Variants in CTXND1 observed in about 807,000 individuals in gnomAD.
CTXND1 encodes the protein cortexin domain-containing 1 protein.
intron 1 of CTXND1, among the ~76,000 whole-genome samples, chr15:80,232,940 C>CTTTT (rs1567133478): frequency 3.1e-5 from 4 of 128,816 alleles, no homozygotes; most frequent in Admixed American, 7.9e-5. Context: ...AATGCAACTT[C>CTTTT]CTTTTTTTTT....
chr15:80,228,458 A>G (rs539081188), intron 1 of CTXND1, among the ~76,000 whole-genome samples: 8 of 152,280 alleles, frequency 5.3e-5, no homozygotes, highest in African/African-American at 1.9e-4. Flanking sequence ...GAAAGTTGAC[A>G]TTCTCTTTCA....
chr15:80,213,045 G>GTT (rs35402883), intron 1 of CTXND1, among the ~76,000 whole-genome samples: 4 of 151,898 alleles, frequency 2.6e-5, no homozygotes, highest in Non-Finnish European at 4.4e-5. Flanking sequence ...TCTTCCTTCT[G>GTT]TTTTTTTCTC....
At chr15:80,236,137 C>T (rs1474182149) in intron 1 of CTXND1, among the ~76,000 whole-genome samples, 1 of 151,366 alleles carries the variant, frequency 6.6e-6, no homozygotes, top group African/African-American at 2.4e-5. Flanking sequence ...TCATGGTCCT[C>T]TCTGGGATAT....
intron 1 of CTXND1, among the ~76,000 whole-genome samples, chr15:80,217,743 C>T (rs916897362): frequency 6.6e-6 from 1 of 152,002 alleles, no homozygotes; most frequent in Non-Finnish European, 1.5e-5. Context: ...GTCAAGGTTT[C>T]ACCATGTTGC....
Position 80,229,177 on chromosome 15 carries a change from C to T in CTXND1, c.-218+22830G>A, listed in dbSNP as rs188811009. 2.0e-3 allele frequency among the ~76,000 whole-genome samples: 303 copies of T among 152,254 alleles called. 3 individuals are homozygous for T. Among genetic ancestry groups the T allele is most frequent in the African/African-American group, 6.1e-3 (252 of 41,546 alleles). On this transcript the variant is annotated intron_variant, in intron 1 of 2. Coordinates refer to ENST00000560778, the MANE Select transcript of CTXND1 (RefSeq NM_001352888.2). ...TCCTGCCACCTGATATCCCCACTCA[C>T]CTGGCTCCTGTTTCTTTCCCACAAC...
intron 1 of CTXND1, among the ~76,000 whole-genome samples, chr15:80,223,222 A>C (rs2142131182): frequency 6.6e-6 from 1 of 152,212 alleles, no homozygotes; most frequent in South Asian, 2.1e-4. Context: ...TGTCCGGCTA[A>C]TTTTGTATTT....
At chr15:80,217,824 G>T (rs1340545306) in intron 1 of CTXND1, among the ~76,000 whole-genome samples, 5 of 152,150 alleles carry the variant, frequency 3.3e-5, no homozygotes, top group Non-Finnish European at 5.9e-5. Context: ...TGGGATTACA[G>T]GTGTAGGCCA....
chr15:80,220,640 A>G (rs184593488), intron 1 of CTXND1, among the ~76,000 whole-genome samples: 37 of 152,232 alleles, frequency 2.4e-4, no homozygotes, highest in African/African-American at 8.9e-4. Context: ...ATGAATTATC[A>G]TCTTTATGAT....
At chr15:80,219,848 T>G (rs1893292920) in intron 1 of CTXND1, among the ~76,000 whole-genome samples, 1 of 152,218 alleles carries the variant, frequency 6.6e-6, no homozygotes, top group Non-Finnish European at 1.5e-5. Flanking sequence ...ATGTTAATTT[T>G]CTCTTTCTCG....
intron 1 of CTXND1, among the ~76,000 whole-genome samples, chr15:80,235,159 G>A (rs908445100): frequency 3.9e-5 from 6 of 152,172 alleles, no homozygotes; most frequent in African/African-American, 1.4e-4. Context: ...GAGTCACAAG[G>A]CAGCCCTCCC....
At chr15:80,238,008 CAAA>C (rs57718635) in intron 1 of CTXND1, among the ~76,000 whole-genome samples, 1 of 77,106 alleles carries the variant, frequency 1.3e-5, no homozygotes, top group Non-Finnish European at 2.4e-5. Flanking sequence ...GACTCCATCT[CAAA>C]AAAAAAAAAA....
chr15:80,242,265 C>G (rs557662455), intron 1 of CTXND1, among the ~76,000 whole-genome samples: 5 of 152,212 alleles, frequency 3.3e-5, no homozygotes, highest in Non-Finnish European at 7.3e-5. Context: ...CCACTCTGTG[C>G]TTTCAGGACT....
chr15:80,204,211 TAC>T (rs1567127681), intron 1 of CTXND1, among the ~76,000 whole-genome samples: 1 of 89,228 alleles, frequency 1.1e-5, no homozygotes, highest in African/African-American at 4.5e-5. Context: ...CACAAACACA[TAC>T]ACACATGCAC....
At chr15:80,226,710 A>T (rs941197373) in intron 1 of CTXND1, among the ~76,000 whole-genome samples, 2 of 152,190 alleles carry the variant, frequency 1.3e-5, no homozygotes, top group African/African-American at 4.8e-5. Flanking sequence ...TCCTCCCCTG[A>T]CAAGGATCAA....
chr15:80,223,456 C>A (rs192882516), intron 1 of CTXND1, among the ~76,000 whole-genome samples: 150 of 152,340 alleles, frequency 9.8e-4, no homozygotes, highest in Admixed American at 2.2e-3. Context: ...ATTCACTCTA[C>A]AACTAGTGGA....
intron 2 of CTXND1, among the ~76,000 whole-genome samples, chr15:80,203,119 A>G (rs1256299586): frequency 6.6e-6 from 1 of 152,162 alleles, no homozygotes; most frequent in Non-Finnish European, 1.5e-5. Flanking sequence ...GCTGGCTAGG[A>G]GCGAGCAGGC....
At chr15:80,204,922 C>T (rs1303041964) in intron 1 of CTXND1, among the ~76,000 whole-genome samples, 1 of 152,100 alleles carries the variant, frequency 6.6e-6, no homozygotes, top group African/African-American at 2.4e-5. Flanking sequence ...ACTCAAAAAG[C>T]ACAAAAAGAA....
rs138383718 is a variant in CTXND1, at chr15:80,239,322, T to C, written c.-218+12685A>G. On this transcript the variant is annotated intron_variant, in intron 1 of 2. Coordinates refer to ENST00000560778, the MANE Select transcript of CTXND1 (RefSeq NM_001352888.2). ...CTGCATTAATTACTGTGATGGTTAA[T>C]ACTGAGTGTCAACTTGATTGGATTA... 2.6e-5 allele frequency among the ~76,000 whole-genome samples: 4 copies of C among 152,342 alleles called. No homozygotes were observed. In the East Asian group the frequency reaches 7.7e-4, roughly 29 times the overall value.
At chr15:80,226,701 C>T (rs1371414374) in intron 1 of CTXND1, among the ~76,000 whole-genome samples, 3 of 152,190 alleles carry the variant, frequency 2.0e-5, no homozygotes, top group African/African-American at 7.2e-5. Flanking sequence ...GCCATCCACT[C>T]CTCCCCTGAC....
Sources: allele counts gnomAD v4.1 joint callset (sites outside exome capture counted in the v4.1 genomes callset), GRCh38; gene constraint gnomAD v4.1.1; transcripts MANE v1.5; gene names NCBI Gene and HGNC (gene_info 2026-07-23, HGNC 2026-07-21).